The following RIT2 variants were observed in gnomAD, a reference collection of about 807,000 sequenced individuals.
RIT2 encodes the protein Ras like without CAAX 2, also known as GTP-binding protein Rit2.
RIT2 carries 24 observed loss-of-function variants against 23.7 expected under a neutral mutation model. The ratio of observed to expected loss-of-function variants is 1.01; its 90% CI spans 0.73 to 1.43. The LOEUF is 1.43. Among genes scored for constraint, RIT2 ranks in the 40% most tolerant of loss-of-function variants. RIT2 has a pLI of 0.00. For synonymous variants in RIT2, 107 were observed against 91.1 expected, an observed-to-expected ratio of 1.17 and a Z score of -0.99; for missense variants, 236 against 266.9, an observed-to-expected ratio of 0.88 and a Z score of 0.81.
chr18:43,094,739 G>A (rs1386289572), intron 1 of RIT2, among the ~76,000 whole-genome samples: 1 of 151,980 alleles, frequency 6.6e-6, no homozygotes, highest in African/African-American at 2.4e-5. Context: ...AACCTGAGGT[G>A]GTACATTGTT....
At chr18:42,748,407 G>A (rs574067097) in intron 4 of RIT2, among the ~76,000 whole-genome samples, 9 of 151,884 alleles carry the variant, frequency 5.9e-5, no homozygotes, top group East Asian at 5.8e-4. Context: ...ACTCCTGCAC[G>A]AATGGTCATT....
At chr18:42,950,949 A>C (rs1254063179) in intron 3 of RIT2, among the ~76,000 whole-genome samples, 1 of 152,048 alleles carries the variant, frequency 6.6e-6, no homozygotes, top group East Asian at 1.9e-4. Context: ...AGAAAGGGGA[A>C]GACTTACACC....
intron 1 of RIT2, among the ~76,000 whole-genome samples, chr18:43,072,667 A>G (rs1453097195): frequency 6.6e-6 from 1 of 152,024 alleles, no homozygotes; most frequent in Admixed American, 6.5e-5. Flanking sequence ...CCCCATGCAG[A>G]TTTCTTCCAC....
chr18:42,980,540 A>T (rs1910576227), intron 2 of RIT2, among the ~76,000 whole-genome samples: 1 of 152,062 alleles, frequency 6.6e-6, no homozygotes, highest in African/African-American at 2.4e-5. Flanking sequence ...CCCCCCGGAG[A>T]TTCCCAGTGT....
At chr18:42,967,936 T>G (rs1038373105) in intron 3 of RIT2, among the ~76,000 whole-genome samples, 18 of 152,114 alleles carry the variant, frequency 1.2e-4, no homozygotes, top group Non-Finnish European at 4.4e-5. Flanking sequence ...ATTAAAATAT[T>G]TGTTTCTAGA....
At chr18:42,936,740 G>A (rs1046021727) in intron 3 of RIT2, among the ~76,000 whole-genome samples, 5 of 152,078 alleles carry the variant, frequency 3.3e-5, no homozygotes, top group South Asian at 4.1e-4. Context: ...GGCCAGGCAC[G>A]GTGGCTCACG....
At chr18:42,981,678 T>A (rs10438957) in intron 2 of RIT2, among the ~76,000 whole-genome samples, 97,948 of 151,716 alleles carry the variant, frequency 0.65, 35,169 homozygotes, top group Non-Finnish European at 0.81. Context: ...AAATTAAAAA[T>A]ATTAAAAATA....
At chr18:42,946,178 C>T (rs16977142) in intron 3 of RIT2, among the ~76,000 whole-genome samples, 4,935 of 152,138 alleles carry the variant, frequency 0.032, 244 homozygotes, top group African/African-American at 0.11. Flanking sequence ...AACCTGCATG[C>T]TAATACGACA....
chr18:42,878,755 T>G (rs1165326660), intron 4 of RIT2, among the ~76,000 whole-genome samples: 1 of 152,060 alleles, frequency 6.6e-6, no homozygotes, highest in East Asian at 1.9e-4. Context: ...ACATTGTAAC[T>G]TCCTGAGTTT....
intron 1 of RIT2, among the ~76,000 whole-genome samples, chr18:43,035,654 C>T (rs970512210): frequency 6.6e-6 from 1 of 152,152 alleles, no homozygotes; most frequent in Non-Finnish European, 1.5e-5. Flanking sequence ...TTCTTCATCC[C>T]CACCACTCCT....
chr18:43,030,810 G>A (rs965830164), intron 2 of RIT2, among the ~76,000 whole-genome samples: 79 of 152,158 alleles, frequency 5.2e-4, no homozygotes, highest in African/African-American at 1.8e-3. Context: ...GGTGGATCGG[G>A]TGCTTTACCA....
chr18:43,060,411 A>G (rs1385332162), intron 1 of RIT2, among the ~76,000 whole-genome samples: 1 of 152,172 alleles, frequency 6.6e-6, no homozygotes, highest in African/African-American at 2.4e-5. Context: ...TCCACAATAC[A>G]GTCACAATGA....
intron 4 of RIT2, among the ~76,000 whole-genome samples, chr18:42,900,031 A>T (rs552149995): frequency 6.6e-6 from 1 of 152,160 alleles, no homozygotes; most frequent in African/African-American, 2.4e-5. Context: ...AATTAATGAA[A>T]ATGGACCACC....
intron 1 of RIT2, among the ~76,000 whole-genome samples, chr18:43,082,434 A>C (rs1218127981): frequency 6.6e-6 from 1 of 151,960 alleles, no homozygotes; most frequent in Non-Finnish European, 1.5e-5. Flanking sequence ...ACAACAACAA[A>C]ATTTCAGGCC....
At chr18:42,911,851 A>G (rs943825673) in intron 4 of RIT2, among the ~76,000 whole-genome samples, 1 of 152,064 alleles carries the variant, frequency 6.6e-6, no homozygotes, top group South Asian at 2.1e-4. Flanking sequence ...TGGAAATTTT[A>G]CCAAATATTC....
chr18:43,055,549 A>G (rs1194407492), intron 1 of RIT2, among the ~76,000 whole-genome samples: 2 of 152,124 alleles, frequency 1.3e-5, no homozygotes, highest in East Asian at 3.9e-4. Context: ...AATAAAATAT[A>G]TTCATCATTA....
chr18:42,869,645 C>T (rs1169787068), intron 4 of RIT2, among the ~76,000 whole-genome samples: 2 of 152,182 alleles, frequency 1.3e-5, no homozygotes, highest in Non-Finnish European at 2.9e-5. Context: ...GTACCCTGTC[C>T]TCTTTGATCT....
Position 42,870,214 on chromosome 18 carries a change from G to T in RIT2, c.426+53358C>A, listed in dbSNP as rs538557028. 2.0e-5 allele frequency among the ~76,000 whole-genome samples: 3 copies of T among 152,250 alleles called. No homozygotes were observed. In the South Asian group the frequency reaches 6.2e-4, roughly 32 times the overall value. On this transcript the variant is annotated intron_variant, in intron 4 of 4. Coordinates refer to ENST00000326695, the MANE Select transcript of RIT2 (RefSeq NM_002930.4). ...TATATTAACAAAACTTGGATAATTA[G>T]AACTCTTCCTAATACTAGACTCAGT...
chr18:42,930,864 G>A (rs1909308411), intron 3 of RIT2, among the ~76,000 whole-genome samples: 2 of 152,060 alleles, frequency 1.3e-5, no homozygotes, highest in Admixed American at 6.6e-5. Context: ...TCAGTTTGGG[G>A]GGACAAATTC....
Sources: allele counts gnomAD v4.1 joint callset (sites outside exome capture counted in the v4.1 genomes callset), GRCh38; gene constraint gnomAD v4.1.1; transcripts MANE v1.5; gene names NCBI Gene and HGNC (gene_info 2026-07-23, HGNC 2026-07-21).